The following MCF2L2 variants were observed in gnomAD, a reference collection of about 807,000 sequenced individuals.
The protein encoded by MCF2L2 is MCF.2 cell line derived transforming sequence-like 2.
MCF2L2 carries 102 observed loss-of-function variants against 150.2 expected under a neutral mutation model. The ratio of observed to expected loss-of-function variants is 0.68; its 90% CI spans 0.58 to 0.80. The LOEUF (loss-of-function observed/expected upper bound fraction) is 0.80. Ranked by LOEUF, MCF2L2 falls within the 30% of genes least tolerant of loss-of-function variation. The pLI, the probability that MCF2L2 is intolerant of heterozygous loss-of-function variation, is 0.00. For synonymous variants in MCF2L2, 465 were observed against 491.3 expected (o/e 0.95, Z 0.71); for missense variants, 1,256 against 1,372.8 (o/e 0.91, Z 1.34).
chr3:183,239,461 T>TAAA (rs11377299), intron 15 of MCF2L2, among the ~76,000 whole-genome samples: 3 of 146,446 alleles, frequency 2.0e-5, no homozygotes, highest in Admixed American at 1.4e-4. Flanking sequence ...AGGAATATGC[T>TAAA]AAAAAAAAAA....
Position 183,181,315 on chromosome 3 carries a change from A to G in MCF2L2, c.3017-1156T>C, listed in dbSNP as rs2108626691. On this transcript the variant is annotated intron_variant, in intron 27 of 29. Coordinates refer to ENST00000328913, the MANE Select transcript of MCF2L2 (RefSeq NM_015078.4). This position sits in a 1 kb window ranked among gnomAD's most constrained non-coding sequence, Gnocchi z 4.3. ...GATCAGTGGGGGCTGTGTGAGTAAC[A>G]TGGGGGCGGGGGGGCAGCTGGGCAG... 6.6e-6 allele frequency among the ~76,000 whole-genome samples: 1 copy of G among 151,506 alleles called. No individual in the cohort carries two copies. The highest frequency in any genetic ancestry group is 6.5e-5 in the Admixed American group (1 of 15,268).
intron 5 of MCF2L2, among the ~76,000 whole-genome samples, chr3:183,327,182 G>A (rs908929959): frequency 9.9e-5 from 15 of 152,060 alleles, no homozygotes; most frequent in South Asian, 2.1e-4. Flanking sequence ...AAAATTAGCC[G>A]GGCGTGGTGG....
intron 15 of MCF2L2, chr3:183,269,912 C>T (rs1265434160): frequency 7.4e-6 from 12 of 1,613,966 alleles, no homozygotes; most frequent in Non-Finnish European, 9.3e-6. Flanking sequence ...TCGATAATCA[C>T]ATTGTGAGCC....
intron 1 of MCF2L2, among the ~76,000 whole-genome samples, chr3:183,412,419 C>T (rs138958086): frequency 0.023 from 3,507 of 152,164 alleles, 143 homozygotes; most frequent in African/African-American, 0.08. Context: ...CTCAGCCTCC[C>T]GAGTAGCTGG....
intron 3 of MCF2L2, among the ~76,000 whole-genome samples, chr3:183,349,961 G>C (rs376650991): frequency 6.6e-6 from 1 of 152,084 alleles, no homozygotes; most frequent in Admixed American, 6.5e-5. Flanking sequence ...AGCTGGGAGA[G>C]GCTTAGCAAA....
intron 3 of MCF2L2, among the ~76,000 whole-genome samples, chr3:183,354,137 T>G (rs1270629659): frequency 6.6e-6 from 1 of 152,216 alleles, no homozygotes; most frequent in Non-Finnish European, 1.5e-5. Context: ...TTAAAAGAGA[T>G]CTTAAGACTA....
intron 15 of MCF2L2, among the ~76,000 whole-genome samples, chr3:183,247,794 G>A (rs1724323172): frequency 6.6e-6 from 1 of 152,090 alleles, no homozygotes. Flanking sequence ...ACATATGGGA[G>A]AGTGTGCATA....
chr3:183,427,816 C>G, intron 1 of MCF2L2, 86 bp downstream of exon 1: 1 of 1,166,754 alleles, frequency 8.6e-7, no homozygotes, highest in Non-Finnish European at 1.3e-6. Context: ...CCCGGGGCAG[C>G]GGGTGAGGCC....
chr3:183,425,187 G>C (rs560428550), intron 1 of MCF2L2, among the ~76,000 whole-genome samples: 2 of 148,394 alleles, frequency 1.3e-5, no homozygotes, highest in African/African-American at 2.5e-5. Context: ...AGAAAGCTGC[G>C]AGGTGTTTCT....
At chr3:183,378,551 T>C (rs1713326875) in intron 3 of MCF2L2, 1 of 152,170 alleles carries the variant, frequency 6.6e-6, no homozygotes, top group African/African-American at 2.4e-5. Context: ...GGCCTTGTAG[T>C]TTCCTTGCTC....
intron 5 of MCF2L2, among the ~76,000 whole-genome samples, chr3:183,328,468 G>A (rs922702468): frequency 7.3e-5 from 11 of 151,100 alleles, no homozygotes; most frequent in African/African-American, 2.7e-4. Context: ...TGTCTGAATT[G>A]AATTGTAGAG....
At chr3:183,331,048 A>G (rs1730253484) in intron 5 of MCF2L2, among the ~76,000 whole-genome samples, 1 of 152,064 alleles carries the variant, frequency 6.6e-6, no homozygotes, top group South Asian at 2.1e-4. Context: ...TTTCATACGC[A>G]AAACAACCAG....
chr3:183,428,507 C>T lies in MCF2L2; in HGVS notation c.-530G>A, dbSNP rs1716286318. On this transcript the variant is annotated 5_prime_UTR_variant, in exon 1 of 30. Coordinates refer to ENST00000328913, the MANE Select transcript of MCF2L2 (RefSeq NM_015078.4). This position sits in a 1 kb window ranked among gnomAD's most constrained non-coding sequence, Gnocchi z 5.1. ...GAGGCACGCACGCTCCCAAGCGCCG[C>T]TCGTTTTGGGGTCGGGAACGCTGCG... 6.5e-6 allele frequency: 1 copy of T among 153,438 alleles called. No individual in the cohort carries two copies. The highest frequency in any genetic ancestry group is 1.4e-5 in the Non-Finnish European group (1 of 69,024). The allele number at this position is 153,438 out of a possible 1,614,324, so 9.5% of individuals were successfully genotyped here. A position where few individuals can be genotyped will look rare whatever the true frequency, so the allele number is the denominator to read the frequency against.
intron 25 of MCF2L2, among the ~76,000 whole-genome samples, chr3:183,201,620 T>G (rs964396893): frequency 8.5e-5 from 13 of 152,206 alleles, no homozygotes; most frequent in African/African-American, 3.1e-4. Flanking sequence ...CTTTATTTCT[T>G]TCTCCTGCCT....
At chr3:183,216,115 G>A in intron 21 of MCF2L2, 21 bp from the exon 22 acceptor site, 1 of 1,610,424 alleles carries the variant, frequency 6.2e-7, no homozygotes, top group South Asian at 1.1e-5. Context: ...CAAATGCCTT[G>A]TTGGAAATCA....
intron 16 of MCF2L2, 57 bp from the exon 17 acceptor site, chr3:183,229,838 GA>G: frequency 1.4e-6 from 1 of 716,336 alleles, no homozygotes; most frequent in South Asian, 2.0e-5. Flanking sequence ...GAGATCATCT[GA>G]ATTAGCTACT....
chr3:183,271,351 TG>T (rs1726763558), intron 15 of MCF2L2: 1 of 168,216 alleles, frequency 5.9e-6, no homozygotes, highest in African/African-American at 2.4e-5. Flanking sequence ...AGTTTATTTT[TG>T]TTAAAGAGCA....
intron 15 of MCF2L2, among the ~76,000 whole-genome samples, chr3:183,273,941 G>A (rs555533669): frequency 3.9e-4 from 59 of 152,248 alleles, no homozygotes; most frequent in Non-Finnish European, 5.9e-4. Flanking sequence ...TTGGCCAGGC[G>A]CCATGGCTCA....
intron 5 of MCF2L2, among the ~76,000 whole-genome samples, chr3:183,330,274 A>AAAAGGAAAGGAAAAGGAAAAGG (rs1431407419): frequency 6.6e-6 from 1 of 151,350 alleles, no homozygotes; most frequent in Non-Finnish European, 1.5e-5. Context: ...GAAGAAGAAA[A>AAAAGGAAAGGAAAAGGAAAAGG]AAAGGAAAGG....
Sources: gnomAD v4.1 joint callset for allele counts (sites outside exome capture counted in the v4.1 genomes callset) on GRCh38, gnomAD v4.1.1 for gene constraint, Gnocchi (gnomAD v3.1) non-coding constraint, MANE v1.5 for transcripts, NCBI Gene and HGNC (gene_info 2026-07-23, HGNC 2026-07-21) for gene names.